CAMK1D: variants seen among roughly 807,000 people sequenced by gnomAD.
CAMK1D encodes calcium/calmodulin-dependent protein kinase type 1D.
A neutral mutation model predicts 47.7 loss-of-function variants in CAMK1D; 9 were observed. The observed-to-expected ratio is 0.19, with a 90% CI of 0.11 to 0.33. The LOEUF is 0.33. Ranked by LOEUF, CAMK1D falls within the 10% of genes least tolerant of loss-of-function variation. CAMK1D has a pLI of 1.00. For missense variants in CAMK1D, 291 were observed against 488.7 expected, an observed-to-expected ratio of 0.60 and a Z score of 3.81; for synonymous variants, 184 against 184.9, an observed-to-expected ratio of 0.99 and a Z score of 0.04.
At chr10:12,501,748 T>C (rs1045076848) in intron 1 of CAMK1D, among the ~76,000 whole-genome samples, 19 of 151,228 alleles carry the variant, frequency 1.3e-4, no homozygotes, top group African/African-American at 4.4e-4. Context: ...GAGGATGCTG[T>C]TAAACATCCC....
chr10:12,479,021 A>T (rs376134959), intron 1 of CAMK1D, among the ~76,000 whole-genome samples: 1 of 152,112 alleles, frequency 6.6e-6, no homozygotes, highest in East Asian at 1.9e-4. Flanking sequence ...TTTTTTATGA[A>T]TGGGGGAACT....
chr10:12,560,888 A>G (rs1836917957), intron 2 of CAMK1D, among the ~76,000 whole-genome samples: 1 of 151,722 alleles, frequency 6.6e-6, no homozygotes, highest in South Asian at 2.1e-4. Context: ...GGGAAACCAT[A>G]TTGAAAGTTA....
At chr10:12,685,846 C>T (rs368268306) in intron 3 of CAMK1D, among the ~76,000 whole-genome samples, 9 of 152,284 alleles carry the variant, frequency 5.9e-5, no homozygotes, top group Middle Eastern at 3.4e-3. Flanking sequence ...TGGGAATTTT[C>T]GGCTCTTCGG....
At chr10:12,815,831 T>C (rs952635706) in intron 7 of CAMK1D, among the ~76,000 whole-genome samples, 3 of 152,240 alleles carry the variant, frequency 2.0e-5, no homozygotes, top group Admixed American at 1.3e-4. Context: ...CAGGACCTGA[T>C]GGGCTGAGCA....
At chr10:12,482,931 G>C (rs955594406) in intron 1 of CAMK1D, among the ~76,000 whole-genome samples, 4 of 152,162 alleles carry the variant, frequency 2.6e-5, no homozygotes, top group Admixed American at 2.0e-4. Context: ...CAGATGGTAG[G>C]ATCTCATATT....
rs979425111 is a variant in CAMK1D at position 12,349,777 on chromosome 10, C to T, written c.-42C>T. On this transcript the variant is annotated 5_prime_UTR_variant, in exon 1 of 11. Transcript: ENST00000619168. ...CGCCGCGCCCCCGGCGCCCCCTCCC[C>T]AGCGCGCCCCCGGCCGCTCCTCCGC... is the stretch of plus-strand genomic sequence containing the variant. 4.5e-6 allele frequency: 5 copies of T among 1,115,534 alleles called. No homozygotes were observed. The highest frequency in any genetic ancestry group is 4.6e-6 in the Non-Finnish European group (4 of 869,012). 69.1% of individuals were successfully genotyped at this position (1,115,534 alleles called of 1,614,324 possible).
chr10:12,403,983 GAAAA>G (rs66525553), intron 1 of CAMK1D, among the ~76,000 whole-genome samples: 1 of 144,000 alleles, frequency 6.9e-6, no homozygotes, highest in Non-Finnish European at 1.5e-5. Flanking sequence ...GTTGCTTTTG[GAAAA>G]AAAAAAAAGA....
At chr10:12,458,065 C>G (rs1191678746) in intron 1 of CAMK1D, among the ~76,000 whole-genome samples, 1 of 152,182 alleles carries the variant, frequency 6.6e-6, no homozygotes, top group Admixed American at 6.5e-5. Flanking sequence ...AGACCAAGAG[C>G]AGGTGGTGGA....
intron 1 of CAMK1D, among the ~76,000 whole-genome samples, chr10:12,452,565 G>A (rs1833116312): frequency 6.6e-6 from 1 of 151,548 alleles, no homozygotes; most frequent in African/African-American, 2.4e-5. Flanking sequence ...ATAGTAATAT[G>A]TATTAATGTA....
At chr10:12,577,281 A>G (rs905096933) in intron 2 of CAMK1D, among the ~76,000 whole-genome samples, 6 of 152,070 alleles carry the variant, frequency 3.9e-5, no homozygotes, top group Admixed American at 3.9e-4. Context: ...TTCCAGCTCT[A>G]GGCTTGCAGG....
intron 1 of CAMK1D, among the ~76,000 whole-genome samples, chr10:12,516,525 A>G (rs1191274337): frequency 6.6e-6 from 1 of 152,222 alleles, no homozygotes; most frequent in African/African-American, 2.4e-5. Flanking sequence ...TTGCTGGGTC[A>G]TATGTAAGTA....
rs114563829 is a variant in CAMK1D, at chr10:12,761,347, G to A, written c.438+261G>A. Among the ~76,000 whole-genome samples the A allele has an allele frequency of 9.3e-3, 1,412 of 152,282 alleles. 25 individuals carry two copies. Among genetic ancestry groups the A allele is most frequent in the African/African-American group, 0.032 (1,329 of 41,558 alleles). On this transcript the variant is annotated intron_variant, in intron 4 of 10. Transcript: ENST00000619168. ...TTATGTAGCCAAAGGGTTACAGGGA[G>A]GTGGGTTATATATTGCTTCGAGCCT... is the stretch of plus-strand genomic sequence containing the variant.
chr10:12,650,434 G>A (rs1255262144), intron 2 of CAMK1D, among the ~76,000 whole-genome samples: 1 of 152,250 alleles, frequency 6.6e-6, no homozygotes, highest in African/African-American at 2.4e-5. Flanking sequence ...TGGCCTGGGA[G>A]CCACCTGGTT....
intron 1 of CAMK1D, among the ~76,000 whole-genome samples, chr10:12,492,165 G>A (rs954925845): frequency 2.6e-5 from 4 of 151,986 alleles, no homozygotes; most frequent in African/African-American, 7.3e-5. Context: ...AGTGGGAAGT[G>A]CCTACTGTGG....
chr10:12,360,583 C>A (rs1837629621), intron 1 of CAMK1D, among the ~76,000 whole-genome samples: 1 of 152,160 alleles, frequency 6.6e-6, no homozygotes, highest in Non-Finnish European at 1.5e-5. Flanking sequence ...GGCTGCCAGT[C>A]ATTTACTATG....
At chr10:12,474,177 T>C (rs1461783980) in intron 1 of CAMK1D, among the ~76,000 whole-genome samples, 1 of 149,850 alleles carries the variant, frequency 6.7e-6, no homozygotes, top group Non-Finnish European at 1.5e-5. Flanking sequence ...CCCTAACTGC[T>C]ACCTCTTCAA....
chr10:12,354,403 G>A (rs939443513), intron 1 of CAMK1D, among the ~76,000 whole-genome samples: 1 of 151,736 alleles, frequency 6.6e-6, no homozygotes, highest in African/African-American at 2.4e-5. Flanking sequence ...TGGGGAACAG[G>A]GAACATGAGA....
At chr10:12,701,042 A>G (rs763031699) in intron 3 of CAMK1D, among the ~76,000 whole-genome samples, 3 of 152,084 alleles carry the variant, frequency 2.0e-5, no homozygotes, top group Non-Finnish European at 4.4e-5. Flanking sequence ...GTTATTGGCT[A>G]TGATTGAAAA....
intron 3 of CAMK1D, among the ~76,000 whole-genome samples, chr10:12,757,808 CCTT>C (rs113298225): frequency 0.041 from 6,211 of 151,166 alleles, 287 homozygotes; most frequent in African/African-American, 0.11. Context: ...GTTCTGGTCT[CCTT>C]CTTCTTACAG....
Sources: gnomAD v4.1 joint callset for allele counts (sites outside exome capture counted in the v4.1 genomes callset) on GRCh38, gnomAD v4.1.1 for gene constraint, MANE v1.5 for transcripts, NCBI Gene and HGNC (gene_info 2026-07-23, HGNC 2026-07-21) for gene names.